The following SNRPN variants were observed in gnomAD, a reference collection of about 807,000 sequenced individuals.
SNRPN encodes the protein small nuclear ribonucleoprotein polypeptide N, also known as small nuclear ribonucleoprotein-associated protein N.
Under a neutral mutation model 25.2 loss-of-function variants are expected in SNRPN, and 7 were observed. The observed-to-expected ratio is 0.28, with a 90% CI of 0.16 to 0.52. The LOEUF (loss-of-function observed/expected upper bound fraction) is 0.52, where lower values mean the gene tolerates loss of function less well. Ranked by LOEUF, SNRPN falls within the 20% of genes least tolerant of loss-of-function variation. The probability of loss-of-function intolerance (pLI) is 0.96; values close to 1 mark genes in which losing one functional copy is unlikely to be tolerated. For synonymous variants in SNRPN, 124 were observed against 110.6 expected (o/e 1.12, Z -0.76); for missense variants, 196 against 322.5 (o/e 0.61, Z 3.00).
intron 1 of SNRPN, among the ~76,000 whole-genome samples, chr15:24,882,018 CAG>C (rs1241956883): frequency 6.6e-6 from 1 of 152,150 alleles, no homozygotes; most frequent in African/African-American, 2.4e-5. Flanking sequence ...CCGATGCTCT[CAG>C]AGGTAGACTA....
chr15:24,899,341 G>T (rs1285489560), intron 2 of SNRPN, among the ~76,000 whole-genome samples: 1 of 152,160 alleles, frequency 6.6e-6, no homozygotes, highest in Non-Finnish European at 1.5e-5. Flanking sequence ...TTGCCTTTTA[G>T]ATCAAAATTA....
intron 1 of SNRPN, among the ~76,000 whole-genome samples, chr15:24,872,252 C>A (rs2055218582): frequency 8.6e-6 from 1 of 116,636 alleles, no homozygotes; most frequent in Non-Finnish European, 1.9e-5. Flanking sequence ...ACTGCAACCT[C>A]TGCCTCCTGG....
chr15:24,920,124 T>C (rs1488963383), exon 3 of SNRPN: 3 of 152,164 alleles, frequency 2.0e-5, no homozygotes, highest in Non-Finnish European at 4.4e-5. Context: ...CTTTCTCTTA[T>C]GTAAGTAGAA....
At chr15:24,836,103 G>A (rs934649040) in intron 2 of SNRPN, among the ~76,000 whole-genome samples, 2 of 152,028 alleles carry the variant, frequency 1.3e-5, no homozygotes, top group Non-Finnish European at 2.9e-5. Flanking sequence ...ACCTCTCTAC[G>A]TGGCTGGCAG....
intron 3 of SNRPN, among the ~76,000 whole-genome samples, chr15:24,943,569 C>A (rs929045913): frequency 1.3e-5 from 2 of 152,102 alleles, no homozygotes; most frequent in African/African-American, 4.8e-5. Context: ...AGATAACACC[C>A]AGTTCATGAA....
At chr15:24,977,433 G>A (rs1449375451) in intron 7 of SNRPN, among the ~76,000 whole-genome samples, 2 of 152,142 alleles carry the variant, frequency 1.3e-5, no homozygotes, top group African/African-American at 4.8e-5. Flanking sequence ...GAGGTCAGGA[G>A]TTCGACACCA....
At chr15:24,870,421 T>A (rs2054982568) in intron 1 of SNRPN, among the ~76,000 whole-genome samples, 1 of 152,142 alleles carries the variant, frequency 6.6e-6, no homozygotes, top group African/African-American at 2.4e-5. Context: ...AACTTAAACA[T>A]AAATTCCTAC....
chr15:24,901,294 T>C (rs1345404062), intron 2 of SNRPN, among the ~76,000 whole-genome samples: 2 of 152,154 alleles, frequency 1.3e-5, no homozygotes, highest in African/African-American at 2.4e-5. Context: ...GTAATCAGAA[T>C]GTTTTGGCAA....
rs1016319369 is a variant in SNRPN at position 24,832,831 on chromosome 15, C to T, written c.-579+2926C>T. Among the ~76,000 whole-genome samples the T allele has an allele frequency of 3.9e-5, 6 of 151,988 alleles. No homozygotes were observed. In the East Asian group the frequency reaches 9.7e-4, roughly 25 times the overall value. ...AACTCAAAAGATGATGGAGGCCGGGCGCGGTGGCTCAGGGCCTGTAATCCC... is the reference window on the plus strand; with the variant it reads ...AACTCAAAAGATGATGGAGGCCGGGTGCGGTGGCTCAGGGCCTGTAATCCC... On this transcript the variant is annotated intron_variant, in intron 2 of 12. Transcript: ENST00000400100.
At chr15:24,922,843 A>G (rs1219227511) in intron 3 of SNRPN, among the ~76,000 whole-genome samples, 1 of 146,984 alleles carries the variant, frequency 6.8e-6, no homozygotes, top group Non-Finnish European at 1.5e-5. Context: ...GTATACAGAC[A>G]TATCATTATC....
upstream of SNRPN, among the ~76,000 whole-genome samples, chr15:24,853,433 G>T (rs1368762515): frequency 2.0e-5 from 3 of 146,972 alleles, no homozygotes; most frequent in East Asian, 4.0e-4. Context: ...TCGTTCTGTT[G>T]CCCAGGCTGG....
chr15:24,928,476 A>G (rs1249508188), intron 3 of SNRPN, among the ~76,000 whole-genome samples: 1 of 152,124 alleles, frequency 6.6e-6, no homozygotes, highest in East Asian at 1.9e-4. Context: ...TAAGCCAGGC[A>G]CAGAAATATA....
chr15:24,842,423 C>T (rs1033187022), intron 2 of SNRPN, among the ~76,000 whole-genome samples: 12 of 152,138 alleles, frequency 7.9e-5, no homozygotes, highest in Non-Finnish European at 1.8e-4. Context: ...AGTCTTCCTT[C>T]AAAAGAAGCC....
chr15:24,974,535 C>A lies in SNRPN; in HGVS notation c.3+79C>A, dbSNP rs1466136537. The A allele has an allele frequency of 3.8e-5, 51 of 1,348,180 alleles. No homozygotes were observed. In the East Asian group the frequency reaches 1.1e-3, roughly 30 times the overall value. The allele number at this position is 1,348,180 out of a possible 1,614,324, so 83.5% of individuals were successfully genotyped here. A position where few individuals can be genotyped will look rare whatever the true frequency, so the allele number is the denominator to read the frequency against. ...ATAGTTTGCCAGCATGTGCAGTGAT[C>A]TTGGGTTCTGAATGTTAGAAATAAG... On this transcript the variant is annotated intron_variant, in intron 4 of 9. Coordinates refer to ENST00000390687, the MANE Select transcript of SNRPN (RefSeq NM_003097.6).
upstream of SNRPN, among the ~76,000 whole-genome samples, chr15:24,853,567 G>A (rs773750117): frequency 1.4e-4 from 22 of 152,094 alleles, no homozygotes; most frequent in African/African-American, 2.2e-4. Flanking sequence ...CTAATTTTTC[G>A]TATTTTTAGT....
At chr15:24,970,706 C>T (rs1019940247) in intron 3 of SNRPN, among the ~76,000 whole-genome samples, 7 of 152,074 alleles carry the variant, frequency 4.6e-5, no homozygotes, top group African/African-American at 9.7e-5. Context: ...GACTTTTAAA[C>T]GTTTTTGTTA....
At chr15:24,928,140 A>C (rs1414750020) in intron 3 of SNRPN, among the ~76,000 whole-genome samples, 2 of 152,196 alleles carry the variant, frequency 1.3e-5, no homozygotes, top group Admixed American at 1.3e-4. Context: ...GGGAATGTGA[A>C]TTAGTATAGT....
chr15:24,955,462 G>A (rs1277346520), intron 1 of SNRPN, among the ~76,000 whole-genome samples: 1 of 151,776 alleles, frequency 6.6e-6, no homozygotes, highest in African/African-American at 2.4e-5. Context: ...CAGTGCATAG[G>A]GATTTTAGGC....
At chr15:24,876,261 T>C (rs1440834363) in intron 1 of SNRPN, among the ~76,000 whole-genome samples, 3 of 151,930 alleles carry the variant, frequency 2.0e-5, no homozygotes, top group Non-Finnish European at 4.4e-5. Flanking sequence ...AAAATACATT[T>C]CTCCTTTATT....
Sources: gnomAD v4.1 joint callset for allele counts (sites outside exome capture counted in the v4.1 genomes callset) on GRCh38, gnomAD v4.1.1 for gene constraint, MANE v1.5 for transcripts, NCBI Gene and HGNC (gene_info 2026-07-23, HGNC 2026-07-21) for gene names.